TCERG1: variants seen among roughly 807,000 people sequenced by gnomAD.
TCERG1 encodes transcription elongation regulator 1, also known as TATA box binding protein (TBP)-associated factor, RNA polymerase II, S, 150kD.
A neutral mutation model predicts 144.7 loss-of-function variants in TCERG1; 37 were observed. The ratio of observed to expected loss-of-function variants is 0.26; its 90% CI spans 0.20 to 0.34. TCERG1 has a LOEUF of 0.34. TCERG1 is among the 10% of genes least tolerant of loss of function. TCERG1 has a pLI of 1.00. For missense variants in TCERG1, 1,027 were observed against 1,380.7 expected (o/e 0.74, Z 4.06); for synonymous variants, 492 against 458.2 (o/e 1.07, Z -0.94).
At chr5:146,475,430 TGGAG>T (rs1764742242) in intron 9 of TCERG1, among the ~76,000 whole-genome samples, 1 of 152,154 alleles carries the variant, frequency 6.6e-6, no homozygotes, top group Non-Finnish European at 1.5e-5. Flanking sequence ...TGTCAAAACT[TGGAG>T]GGTGTTAGTG....
At position 146,478,654 on chromosome 5, in the gene TCERG1, G is replaced by T; in HGVS notation, c.1762+1G>T. The T allele has an allele frequency of 6.4e-7, 1 of 1,571,408 alleles. No homozygotes were observed. Among genetic ancestry groups the T allele is most frequent in the Non-Finnish European group, 8.6e-7 (1 of 1,165,306 alleles). On this transcript the variant is annotated splice_donor_variant, in intron 10 of 22. Transcript: ENST00000679501. LOFTEE classifies it high-confidence loss of function. ...GGAATGGAGGAATTGAAGAAACTAA[G>T]TAAGTTTTAAATTAGGAATTTATCC...
At chr5:146,449,800 A>G (rs952190886) in intron 1 of TCERG1, among the ~76,000 whole-genome samples, 1 of 152,240 alleles carries the variant, frequency 6.6e-6, no homozygotes, top group Non-Finnish European at 1.5e-5. Context: ...CCATTAAAGT[A>G]ACTTCCAGAG....
intron 3 of TCERG1, among the ~76,000 whole-genome samples, chr5:146,458,010 C>T (rs1358966833): frequency 5.3e-5 from 8 of 151,448 alleles, no homozygotes; most frequent in Admixed American, 2.6e-4. Context: ...CCATCATGCT[C>T]GGCTAATTTT....
intron 9 of TCERG1, among the ~76,000 whole-genome samples, chr5:146,475,936 C>A (rs1342481804): frequency 6.6e-6 from 1 of 152,104 alleles, no homozygotes; most frequent in Non-Finnish European, 1.5e-5. Context: ...TAATCTATTG[C>A]AGTTTTTATC....
chr5:146,463,577 A>G lies in TCERG1; in HGVS notation c.919A>G (p.Ser307Gly). ...ACCCACAACACAAGATCAGACCCCA[A>G]GTTCTGCTGTTTCAGTTGCCACGCC... ...STPTTQDQTP[S>G]SAVSVATPTV... The change falls in exon 5 of 23, where the codon AGT (serine) becomes GGT (glycine). Residue 307 changes from serine (S) to glycine (G), a missense_variant. Transcript: ENST00000679501. The G allele has an allele frequency of 6.2e-7, 1 of 1,614,208 alleles. No individual in the cohort carries two copies. Among genetic ancestry groups the G allele is most frequent in the Non-Finnish European group, 8.5e-7 (1 of 1,180,038 alleles).
chr5:146,449,525 T>G (rs899372022), intron 1 of TCERG1, among the ~76,000 whole-genome samples: 1 of 152,244 alleles, frequency 6.6e-6, no homozygotes, highest in African/African-American at 2.4e-5. Context: ...AATCATAGTT[T>G]ATACAATTTG....
chr5:146,477,518 G>C, intron 9 of TCERG1, among the ~76,000 whole-genome samples: 1 of 151,926 alleles, frequency 6.6e-6, no homozygotes, highest in East Asian at 1.9e-4. Flanking sequence ...CTAAATTTTG[G>C]CTGTCCTCCG....
At chr5:146,491,800 C>G (rs180683459) in intron 15 of TCERG1, among the ~76,000 whole-genome samples, 1 of 152,208 alleles carries the variant, frequency 6.6e-6, no homozygotes, top group East Asian at 1.9e-4. Flanking sequence ...GCCATATGGT[C>G]TCTATTGTAA....
intron 11 of TCERG1, 40 bp from the exon 12 acceptor site, chr5:146,479,988 G>C: frequency 6.3e-7 from 1 of 1,587,802 alleles, no homozygotes; most frequent in Non-Finnish European, 8.6e-7. Flanking sequence ...TTAGCAGAAG[G>C]ATTCATTCCT....
intron 15 of TCERG1, among the ~76,000 whole-genome samples, chr5:146,491,625 T>G (rs1026031078): frequency 5.3e-5 from 8 of 152,152 alleles, no homozygotes; most frequent in Admixed American, 5.2e-4. Context: ...GAACTAACTG[T>G]GTCTTAGTAT....
intron 22 of TCERG1, among the ~76,000 whole-genome samples, chr5:146,509,459 G>A (rs1449035071): frequency 7.5e-6 from 1 of 133,072 alleles, no homozygotes; most frequent in Non-Finnish European, 1.6e-5. Flanking sequence ...TTCTTATTTT[G>A]TGTTACCCAC....
intron 4 of TCERG1, among the ~76,000 whole-genome samples, chr5:146,460,894 C>T (rs2150290918): frequency 6.6e-6 from 1 of 152,168 alleles, no homozygotes. Flanking sequence ...TAGTGCTTCC[C>T]AAACCTCTGT....
chr5:146,463,337 C>T (rs1763500624), intron 4 of TCERG1, among the ~76,000 whole-genome samples: 1 of 152,110 alleles, frequency 6.6e-6, no homozygotes, highest in Non-Finnish European at 1.5e-5. Context: ...TTGATTTTTA[C>T]TCCTATATGT....
chr5:146,495,671 G>A (rs1766826903), intron 16 of TCERG1, among the ~76,000 whole-genome samples: 1 of 152,164 alleles, frequency 6.6e-6, no homozygotes, highest in African/African-American at 2.4e-5. Context: ...ACCTTCAGTT[G>A]ATGTTTTAAG....
chr5:146,472,770 G>A (rs1306879290), intron 9 of TCERG1, among the ~76,000 whole-genome samples: 2 of 150,538 alleles, frequency 1.3e-5, no homozygotes, highest in Admixed American at 6.7e-5. Context: ...CTGGAGTGCA[G>A]TGGTGCGATC....
Position 146,511,731 on chromosome 5 carries a change from G to A in TCERG1, c.*1089G>A, listed in dbSNP as rs995623432. 3.3e-5 allele frequency: 5 copies of A among 152,154 alleles called. No individual in the cohort carries two copies. Among genetic ancestry groups the A allele is most frequent in the African/African-American group, 4.8e-5 (2 of 41,420 alleles). The allele number at this position is 152,154 out of a possible 1,614,324, so 9.4% of individuals were successfully genotyped here. A position where few individuals can be genotyped will look rare whatever the true frequency, so the allele number is the denominator to read the frequency against. On this transcript the variant is annotated 3_prime_UTR_variant, in exon 23 of 23. Transcript: ENST00000679501. Reference sequence around the variant, plus strand: ...TCAAGTCTCTTAGCAGTGCCTTATTGCCTCATAGCAAGAAGATGCTGGGGT... The same window carrying A: ...TCAAGTCTCTTAGCAGTGCCTTATTACCTCATAGCAAGAAGATGCTGGGGT...
At chr5:146,496,934 C>T (rs746057157) in intron 16 of TCERG1, among the ~76,000 whole-genome samples, 3 of 138,890 alleles carry the variant, frequency 2.2e-5, no homozygotes, top group Non-Finnish European at 3.0e-5. Context: ...AGTGCAGTGG[C>T]GTGATCTCAG....
In TCERG1 at chr5:146,463,559, A is replaced by G; in HGVS notation, c.901A>G (p.Thr301Ala). Residue 301 changes from threonine to alanine, a missense_variant, in exon 5 of 23, where the codon ACA becomes GCA. By Grantham distance (58) the Thr-to-Ala change is moderately conservative. Transcript: ENST00000679501. ...GTTTTATCTTTTATCAGCACCCACAACACAAGATCAGACCCCAAGTTCTGC... is the reference window on the plus strand; with the variant it reads ...GTTTTATCTTTTATCAGCACCCACAGCACAAGATCAGACCCCAAGTTCTGC... Reference protein sequence around the residue: ...SVAQTVSTPTTQDQTPSSAVS... With the variant: ...SVAQTVSTPTAQDQTPSSAVS... 6.2e-7 allele frequency: 1 copy of G among 1,614,190 alleles called. No individual in the cohort carries two copies. The highest frequency in any genetic ancestry group is 1.3e-5 in the African/African-American group (1 of 75,046).
At chr5:146,465,520 G>C (rs933901891) in intron 5 of TCERG1, among the ~76,000 whole-genome samples, 3 of 152,218 alleles carry the variant, frequency 2.0e-5, no homozygotes, top group Middle Eastern at 3.4e-3. Context: ...GACATATTTT[G>C]ATGTCATATG....
Sources: allele counts gnomAD v4.1 joint callset (sites outside exome capture counted in the v4.1 genomes callset), GRCh38; gene constraint gnomAD v4.1.1; transcripts MANE v1.5; gene names NCBI Gene and HGNC (gene_info 2026-07-23, HGNC 2026-07-21).